Variants in TRHDE observed in about 807,000 individuals in gnomAD.
TRHDE encodes the protein thyrotropin releasing hormone degrading enzyme.
In TRHDE, 72 loss-of-function variants were observed where a neutral mutation model predicts 125.7. The observed-to-expected ratio is 0.57, with a 90% CI of 0.47 to 0.70. The LOEUF is 0.70. Ranked by LOEUF, TRHDE falls within the 30% of genes least tolerant of loss-of-function variation. The pLI, the probability that TRHDE is intolerant of heterozygous loss-of-function variation, is 0.00. For synonymous variants in TRHDE, 509 were observed against 509.1 expected, an observed-to-expected ratio of 1.00 and a Z score of 0.00; for missense variants, 1,110 against 1,327.1, an observed-to-expected ratio of 0.84 and a Z score of 2.54.
chr12:72,331,370 GC>G (rs1869590361), intron 2 of TRHDE, among the ~76,000 whole-genome samples: 9 of 67,736 alleles, frequency 1.3e-4, no homozygotes, highest in Admixed American at 3.7e-4. Context: ...AATGGAAAAA[GC>G]TACTGAAGAT....
At chr12:72,254,485 C>A (rs947958405) in intron 2 of TRHDE, 1 of 152,144 alleles carries the variant, frequency 6.6e-6, no homozygotes, top group African/African-American at 2.4e-5. Context: ...CCCAACAGTC[C>A]TAAGGGCCAG....
intron 4 of TRHDE, among the ~76,000 whole-genome samples, chr12:72,472,370 A>G (rs1420503679): frequency 1.3e-5 from 2 of 152,226 alleles, no homozygotes; most frequent in Non-Finnish European, 2.9e-5. Context: ...TCAGAATAAT[A>G]CATCATGATC....
At chr12:72,575,586 A>G (rs1870955487) in intron 12 of TRHDE, 44 bp downstream of exon 12, 1 of 1,565,584 alleles carries the variant, frequency 6.4e-7, no homozygotes, top group East Asian at 2.2e-5. Flanking sequence ...TTGTGCCTGC[A>G]AGACTTCCTG....
At chr12:72,462,973 G>C (rs1876197831) in intron 3 of TRHDE, among the ~76,000 whole-genome samples, 1 of 152,166 alleles carries the variant, frequency 6.6e-6, no homozygotes, top group African/African-American at 2.4e-5. Context: ...CTAATTCAAA[G>C]AAGTACCTTA....
At chr12:72,560,130 C>CTT (rs10677512) in intron 7 of TRHDE, among the ~76,000 whole-genome samples, 40,195 of 151,608 alleles carry the variant, frequency 0.27, 7,989 homozygotes, top group African/African-American at 0.54. Flanking sequence ...AAAAGGGAAA[C>CTT]TTTAAAAAAA....
At chr12:72,485,875 G>A (rs1241415581) in intron 5 of TRHDE, among the ~76,000 whole-genome samples, 1 of 152,098 alleles carries the variant, frequency 6.6e-6, no homozygotes, top group Non-Finnish European at 1.5e-5. Flanking sequence ...GGTCATTGCT[G>A]CACTGCTTCC....
At chr12:72,444,135 C>A (rs1035794032) in intron 3 of TRHDE, among the ~76,000 whole-genome samples, 3 of 151,854 alleles carry the variant, frequency 2.0e-5, no homozygotes, top group East Asian at 1.9e-4. Flanking sequence ...GCTAAAAAAA[C>A]AAGGTGCTCC....
chr12:72,628,937 T>G (rs780668684), intron 15 of TRHDE, among the ~76,000 whole-genome samples: 6 of 151,844 alleles, frequency 4.0e-5, no homozygotes, highest in Non-Finnish European at 5.9e-5. Flanking sequence ...TTTAGAGAAT[T>G]TAATACATGC....
intron 13 of TRHDE, 87 bp from the exon 14 acceptor site, chr12:72,621,021 T>TC: frequency 1.6e-6 from 1 of 624,972 alleles, no homozygotes; most frequent in Non-Finnish European, 2.8e-6. Flanking sequence ...ATTTTAAGAA[T>TC]ATTTTAATTT....
chr12:72,172,890 A>G (rs1397978596), intron 2 of TRHDE, among the ~76,000 whole-genome samples: 4 of 152,204 alleles, frequency 2.6e-5, no homozygotes, highest in Non-Finnish European at 4.4e-5. Context: ...TTTCAAACAT[A>G]TGTGGTTGCA....
chr12:72,247,382 C>A (rs1380680186), intron 2 of TRHDE, among the ~76,000 whole-genome samples: 1 of 152,054 alleles, frequency 6.6e-6, no homozygotes, highest in Admixed American at 6.6e-5. Context: ...AAGTTTTGAC[C>A]TTTGACATCA....
chr12:72,638,634 G>C (rs4300427), intron 15 of TRHDE, among the ~76,000 whole-genome samples: 3 of 151,872 alleles, frequency 2.0e-5, no homozygotes, highest in African/African-American at 4.8e-5. Flanking sequence ...ATTTTGCAGC[G>C]GCTGGTACCG....
At position 72,667,551 on chromosome 12, in the gene TRHDE, A is replaced by C. The variant is rs1188642236; in HGVS notation, c.*4356A>C. On this transcript the variant is annotated 3_prime_UTR_variant, in exon 19 of 19. Transcript: ENST00000261180. ...GAAGGAATGAACTCATATTACAATA[A>C]ATGAAAAAGAAAAAGAAATAATGAA... is the stretch of plus-strand genomic sequence containing the variant. 6.6e-6 allele frequency: 1 copy of C among 151,800 alleles called. No individual in the cohort carries two copies. Among genetic ancestry groups the C allele is most frequent in the Non-Finnish European group, 1.5e-5 (1 of 67,798 alleles). The allele number at this position is 151,800 out of a possible 1,614,324, so 9.4% of individuals were successfully genotyped here. A position where few individuals can be genotyped will look rare whatever the true frequency, so the allele number is the denominator to read the frequency against.
At chr12:72,574,744 T>G (rs1336437303) in intron 10 of TRHDE, among the ~76,000 whole-genome samples, 1 of 152,100 alleles carries the variant, frequency 6.6e-6, no homozygotes, top group African/African-American at 2.4e-5. Flanking sequence ...TTACTAGCAT[T>G]ATTGATGATG....
At chr12:72,299,686 A>G (rs1187562177) in intron 2 of TRHDE, among the ~76,000 whole-genome samples, 4 of 152,194 alleles carry the variant, frequency 2.6e-5, no homozygotes, top group Non-Finnish European at 5.9e-5. Context: ...GAGAGGAAAA[A>G]TTTCTAAATT....
chr12:72,658,203 A>C lies in TRHDE; in HGVS notation c.3066+1195A>C, dbSNP rs1412427218. 2.6e-5 allele frequency among the ~76,000 whole-genome samples: 4 copies of C among 152,218 alleles called. No individual in the cohort carries two copies. In the East Asian group the frequency reaches 5.8e-4, roughly 22 times the overall value. ...AACATATTTTACTATTTTTTAAATA[A>C]AGGAAGCTAAATGGAAAGGACTGTT... is the stretch of plus-strand genomic sequence containing the variant. On this transcript the variant is annotated intron_variant, in intron 18 of 18. Coordinates refer to ENST00000261180, the MANE Select transcript of TRHDE (RefSeq NM_013381.3).
intron 5 of TRHDE, among the ~76,000 whole-genome samples, chr12:72,475,775 A>AAAACT (rs1302694316): frequency 6.6e-6 from 1 of 152,232 alleles, no homozygotes; most frequent in East Asian, 1.9e-4. Flanking sequence ...TTAAGAAATG[A>AAAACT]AAACTAACAA....
At chr12:72,186,470 C>A (rs943309182) in intron 2 of TRHDE, 6 of 164,860 alleles carry the variant, frequency 3.6e-5, no homozygotes, top group Middle Eastern at 2.8e-3. Context: ...AAGGAAGAAA[C>A]TCCAAACACA....
intron 2 of TRHDE, among the ~76,000 whole-genome samples, chr12:72,333,190 T>C (rs773303820): frequency 4.6e-5 from 7 of 152,342 alleles, no homozygotes; most frequent in Non-Finnish European, 7.3e-5. Flanking sequence ...CAAAGAACTT[T>C]GGTGGTACCC....
Sources: gnomAD v4.1 joint callset for allele counts (sites outside exome capture counted in the v4.1 genomes callset) on GRCh38, gnomAD v4.1.1 for gene constraint, MANE v1.5 for transcripts, NCBI Gene and HGNC (gene_info 2026-07-23, HGNC 2026-07-21) for gene names.